The following CNBD1 variants were observed in gnomAD, a reference collection of about 807,000 sequenced individuals.
The protein encoded by CNBD1 is cyclic nucleotide binding domain containing 1.
A neutral mutation model predicts 54.4 loss-of-function variants in CNBD1; 71 were observed. The ratio of observed to expected loss-of-function variants is 1.30; its 90% CI spans 1.08 to 1.59. The LOEUF (loss-of-function observed/expected upper bound fraction) is 1.59. Ranked by LOEUF, CNBD1 falls within the 40% of genes most tolerant of loss-of-function variation. CNBD1 has a pLI of 0.00. For missense variants in CNBD1, 659 were observed against 518.0 expected (o/e 1.27, Z -2.64); for synonymous variants, 182 against 170.7 (o/e 1.07, Z -0.51).
chr8:86,936,134 C>A (rs79177858), intron 3 of CNBD1, among the ~76,000 whole-genome samples: 56 of 149,738 alleles, frequency 3.7e-4, no homozygotes, highest in African/African-American at 1.2e-3. Flanking sequence ...GATCCCTTCT[C>A]AAAAAAAAAT....
chr8:87,268,082 G>A, intron 6 of CNBD1, among the ~76,000 whole-genome samples: 1 of 152,000 alleles, frequency 6.6e-6, no homozygotes, highest in East Asian at 1.9e-4. Flanking sequence ...TACACAACAG[G>A]TAGCCTTCCA....
intron 6 of CNBD1, among the ~76,000 whole-genome samples, chr8:87,266,259 C>T (rs535181709): frequency 1.3e-5 from 2 of 151,192 alleles, no homozygotes; most frequent in South Asian, 2.1e-4. Context: ...GAGCAAAAGG[C>T]TAAGAATACA....
At chr8:86,918,962 T>G (rs928026089) in intron 3 of CNBD1, among the ~76,000 whole-genome samples, 1 of 152,182 alleles carries the variant, frequency 6.6e-6, no homozygotes. Context: ...AACACATTAT[T>G]TAGCTTCTAC....
intron 2 of CNBD1, among the ~76,000 whole-genome samples, chr8:86,891,111 TG>T (rs1347954668): frequency 2.0e-5 from 3 of 152,066 alleles, no homozygotes; most frequent in Non-Finnish European, 4.4e-5. Flanking sequence ...CTCATTTGAT[TG>T]TTTTTGCTTT....
intron 4 of CNBD1, among the ~76,000 whole-genome samples, chr8:87,169,420 C>T (rs1379000190): frequency 5.3e-5 from 8 of 151,862 alleles, no homozygotes; most frequent in Admixed American, 2.6e-4. Flanking sequence ...GATGTGATTC[C>T]GTTTGTCCAC....
intron 3 of CNBD1, among the ~76,000 whole-genome samples, chr8:86,909,313 T>G (rs1331180875): frequency 6.6e-6 from 1 of 152,230 alleles, no homozygotes; most frequent in Non-Finnish European, 1.5e-5. Flanking sequence ...ACATATTCTA[T>G]GCTTATTTTA....
intron 2 of CNBD1, among the ~76,000 whole-genome samples, chr8:87,403,427 C>T (rs1334165407): frequency 1.3e-5 from 2 of 151,958 alleles, no homozygotes; most frequent in Non-Finnish European, 2.9e-5. Context: ...CTTAGTTAAC[C>T]TTGTTTCAAT....
At chr8:87,261,131 A>G (rs1050317697) in intron 6 of CNBD1, among the ~76,000 whole-genome samples, 6 of 152,096 alleles carry the variant, frequency 3.9e-5, no homozygotes, top group Non-Finnish European at 7.4e-5. Context: ...CCCAAATACA[A>G]TTTGTTCCCG....
intron 4 of CNBD1, among the ~76,000 whole-genome samples, chr8:87,002,367 T>C (rs971313690): frequency 6.6e-6 from 1 of 152,136 alleles, no homozygotes; most frequent in African/African-American, 2.4e-5. Context: ...ATTAATCAGA[T>C]TATATCTGTC....
chr8:87,068,222 A>C (rs143316656), intron 4 of CNBD1, among the ~76,000 whole-genome samples: 2 of 152,052 alleles, frequency 1.3e-5, no homozygotes. Context: ...AATTCTGACA[A>C]AGTGTTTAGT....
intron 6 of CNBD1, among the ~76,000 whole-genome samples, chr8:87,262,705 T>A (rs138812436): frequency 4.4e-4 from 67 of 152,306 alleles, no homozygotes; most frequent in African/African-American, 1.6e-3. Flanking sequence ...AGCTTGGTTC[T>A]GCTACTTGAG....
intron 8 of CNBD1, among the ~76,000 whole-genome samples, chr8:87,343,963 T>C (rs1416599098): frequency 6.6e-6 from 1 of 152,112 alleles, no homozygotes; most frequent in East Asian, 1.9e-4. Flanking sequence ...TTACTTCCTA[T>C]AAAAGCTCTA....
At chr8:87,407,076 T>C (rs1339759374) in intron 2 of CNBD1, among the ~76,000 whole-genome samples, 4 of 152,054 alleles carry the variant, frequency 2.6e-5, no homozygotes, top group African/African-American at 9.7e-5. Flanking sequence ...AGTAAATTTT[T>C]ATAAAATGAA....
At chr8:87,118,476 C>T (rs956310538) in intron 4 of CNBD1, among the ~76,000 whole-genome samples, 2 of 151,998 alleles carry the variant, frequency 1.3e-5, no homozygotes, top group African/African-American at 4.8e-5. Flanking sequence ...GTGAACTGTG[C>T]TGATAACTGA....
chr8:87,309,375 G>T (rs542396590), intron 8 of CNBD1, among the ~76,000 whole-genome samples: 1 of 151,804 alleles, frequency 6.6e-6, no homozygotes, highest in African/African-American at 2.4e-5. Context: ...TGCATTTCTT[G>T]GTACCTAATA....
intron 6 of CNBD1, among the ~76,000 whole-genome samples, chr8:87,240,266 T>A (rs1292259609): frequency 1.3e-5 from 2 of 152,178 alleles, no homozygotes; most frequent in Non-Finnish European, 2.9e-5. Context: ...TCAATAATTA[T>A]TAAAAGAACT....
intron 8 of CNBD1, among the ~76,000 whole-genome samples, chr8:87,345,338 A>G (rs562269809): frequency 6.6e-6 from 1 of 152,230 alleles, no homozygotes; most frequent in East Asian, 1.9e-4. Context: ...TATTTGAAAC[A>G]TTTCCCTTTT....
intron 1 of CNBD1, among the ~76,000 whole-genome samples, chr8:86,870,189 C>CTTTTTTTTTTTTGTTT (rs1808422045): frequency 9.9e-6 from 1 of 100,624 alleles, no homozygotes; most frequent in Non-Finnish European, 1.9e-5. Context: ...AGATAGTACT[C>CTTTTTTTTTTTTGTTT]TTTTTTTTTT....
At chr8:87,369,482 C>T (rs763066295) in intron 10 of CNBD1, among the ~76,000 whole-genome samples, 2 of 152,038 alleles carry the variant, frequency 1.3e-5, no homozygotes, top group Non-Finnish European at 2.9e-5. Context: ...ATTTCTCATA[C>T]AGCAAATCTG....
Sources: allele counts gnomAD v4.1 joint callset (sites outside exome capture counted in the v4.1 genomes callset), GRCh38; gene constraint gnomAD v4.1.1; transcripts MANE v1.5; gene names NCBI Gene and HGNC (gene_info 2026-07-23, HGNC 2026-07-21).